Variants in UBR4 observed in about 807,000 individuals in gnomAD.
UBR4 encodes E3 ubiquitin-protein ligase UBR4.
In UBR4, 124 loss-of-function variants were observed where a neutral mutation model predicts 575.6. The observed-to-expected ratio is 0.22, with a 90% CI of 0.19 to 0.25. The LOEUF (loss-of-function observed/expected upper bound fraction) is 0.25. Among genes scored for constraint, UBR4 ranks in the 10% least tolerant of loss-of-function variants. The pLI, the probability that UBR4 is intolerant of heterozygous loss-of-function variation, is 1.00. For missense variants in UBR4, 4,818 were observed against 6,478.8 expected, an observed-to-expected ratio of 0.74 and a Z score of 8.80; for synonymous variants, 2,455 against 2,473.7, an observed-to-expected ratio of 0.99 and a Z score of 0.22.
Position 19,151,769 on chromosome 1 carries a change from G to A in UBR4, c.7087C>T (p.Arg2363Trp), listed in dbSNP as rs758478137. 4 of 1,614,156 alleles carry A rather than the reference G, an allele frequency of 2.5e-6. No homozygotes were observed. Among genetic ancestry groups the A allele is most frequent in the African/African-American group, 1.3e-5 (1 of 75,036 alleles). The change falls in exon 48 of 106, where the codon CGG becomes TGG. Residue 2363 changes from arginine (R) to tryptophan (W), a missense_variant. Arg to Trp is a moderately radical substitution (Grantham distance 101, BLOSUM62 -3). Around this residue, in one of 29 missense-constraint regions of UBR4, gnomAD observed 461 missense variants for 606.9 expected, o/e 0.76. Transcript: ENST00000375254. ...AAGATCTCGATATATGACGGGGCCC[G>A]TTCTATTGCTTGAGTCCCAATCTGG... ...RIQIGTQAIE[R>W]APSYIEIFGR... is the part of the protein sequence containing the mutation.
intron 65 of UBR4, among the ~76,000 whole-genome samples, chr1:19,124,301 C>T (rs1417830853): frequency 3.3e-5 from 5 of 152,174 alleles, no homozygotes; most frequent in African/African-American, 1.2e-4. Context: ...TGCCCATTAT[C>T]AGCACGTGAG....
At chr1:19,203,499 C>CAA (rs774026182) in intron 1 of UBR4, among the ~76,000 whole-genome samples, 74 of 108,702 alleles carry the variant, frequency 6.8e-4, no homozygotes, top group African/African-American at 2.5e-3. Flanking sequence ...GACTCCAACT[C>CAA]AAAAAAAAAA....
At position 19,095,055 on chromosome 1, in the gene UBR4, A is replaced by G. The variant is rs766661867; in HGVS notation, c.13627-30T>C. The G allele has an allele frequency of 4.3e-6, 7 of 1,614,096 alleles. No individual in the cohort carries two copies. The East Asian group carries it at 1.6e-4, about 36-fold the overall frequency. ...AGGAGAAGGAGACTCAGTCACTCTC[A>G]GAATAAGACCACAGCCACTAACTGC... On this transcript the variant is annotated intron_variant, in intron 93 of 105. Coordinates refer to ENST00000375254, the MANE Select transcript of UBR4 (RefSeq NM_020765.3).
intron 11 of UBR4, among the ~76,000 whole-genome samples, chr1:19,188,114 AATTT>A (rs1557969728): frequency 6.6e-6 from 1 of 151,900 alleles, no homozygotes; most frequent in African/African-American, 2.4e-5. Flanking sequence ...AAATTTTTGG[AATTT>A]AAACAATCAG....
intron 29 of UBR4, among the ~76,000 whole-genome samples, chr1:19,166,035 T>C (rs1379833813): frequency 6.6e-6 from 1 of 152,162 alleles, no homozygotes. Flanking sequence ...GATCTGCCAG[T>C]GATTTAGGGA....
intron 1 of UBR4, among the ~76,000 whole-genome samples, chr1:19,208,424 G>A (rs916928685): frequency 6.2e-5 from 8 of 128,026 alleles, no homozygotes; most frequent in South Asian, 2.5e-4. Flanking sequence ...CTGAGATGGC[G>A]CCACTGCATT....
rs200832235 is a variant in UBR4, at chr1:19,198,835, C to A, written c.472G>T (p.Ala158Ser). ...GTCTTCACTGTTTGGGGCAGCTTGG[C>A]GGATTTCATCATTGCTGTAAATGTG... The part of the protein sequence containing the change: ...IITFTAMMKS[A>S]KLPQTVKTLS... Residue 158 changes from alanine to serine, a missense_variant, in exon 4 of 106, where the codon GCC (alanine) becomes TCC (serine). Ala to Ser is a moderately conservative substitution (Grantham distance 99, BLOSUM62 1). Coordinates refer to ENST00000375254, the MANE Select transcript of UBR4 (RefSeq NM_020765.3). 2.5e-6 allele frequency: 4 copies of A among 1,614,154 alleles called. No individual in the cohort carries two copies. Among genetic ancestry groups the A allele is most frequent in the South Asian group, 2.2e-5 (2 of 91,086 alleles).
At chr1:19,164,552 C>T in intron 32 of UBR4, 111 bp from the exon 33 acceptor site, 1 of 1,258,964 alleles carries the variant, frequency 7.9e-7, no homozygotes, top group Non-Finnish European at 1.1e-6. Flanking sequence ...ATACCAATCC[C>T]AGCTTTGGAC....
At chr1:19,188,591 GTGTT>G (rs2091783361) in intron 11 of UBR4, among the ~76,000 whole-genome samples, 1 of 152,176 alleles carries the variant, frequency 6.6e-6, no homozygotes, top group African/African-American at 2.4e-5. Context: ...TTCAAGTAAA[GTGTT>G]TTCCTCCTGT....
chr1:19,140,950 GC>G, intron 57 of UBR4, 58 bp from the exon 58 acceptor site: 1 of 1,523,864 alleles, frequency 6.6e-7, no homozygotes. Flanking sequence ...CCACAGCGCT[GC>G]TTTGGCCACC....
chr1:19,167,099 A>C lies in UBR4; in HGVS notation c.4032T>G (p.Asp1344Glu). 1 of 1,614,240 alleles carries C rather than the reference A, an allele frequency of 6.2e-7. No homozygotes were observed. The highest frequency in any genetic ancestry group is 8.5e-7 in the Non-Finnish European group (1 of 1,180,040). Residue 1344 changes from aspartate (D) to glutamate (E), a missense_variant, in exon 29 of 106, where the codon GAT (aspartate) becomes GAG (glutamate). Physicochemically the swap from Asp to Glu is conservative, Grantham distance 45 (BLOSUM62 2). Around this residue, in one of 29 missense-constraint regions of UBR4, gnomAD observed 1,172 missense variants for 1,259.7 expected, o/e 0.93. Coordinates refer to ENST00000375254, the MANE Select transcript of UBR4 (RefSeq NM_020765.3). ...LERILGPAES[D>E]EFLARVYEKL... ...TCTCATAAACACGAGCCAAGAACTC[A>C]TCAGACTCAGCAGGGCCCAAGATGC... is the stretch of plus-strand genomic sequence containing the variant.
chr1:19,192,641 C>G, intron 9 of UBR4, 101 bp from the exon 10 acceptor site: 1 of 1,237,068 alleles, frequency 8.1e-7, no homozygotes, highest in Non-Finnish European at 1.2e-6. Context: ...AGTTCAATAT[C>G]CTCTTTTCAA....
chr1:19,156,706 G>C, intron 41 of UBR4, 61 bp downstream of exon 41: 11 of 1,565,656 alleles, frequency 7.0e-6, no homozygotes, highest in Non-Finnish European at 8.7e-6. Flanking sequence ...CTGAGAACAG[G>C]GGAGAGAAAA....
rs1255752184 is a variant in UBR4 at position 19,093,030 on chromosome 1, C to T, written c.14112-112G>A. On this transcript the variant is annotated intron_variant, in intron 96 of 105. Transcript: ENST00000375254. The surrounding 1 kb of genome is among the most constrained non-coding windows in gnomAD (Gnocchi z 4.8). ...CCAGGGCATGATTAACCGTGACCCT[C>T]TCCGAGTGTCATAAAGAATCACATA... 1 of 989,680 alleles carries T rather than the reference C, an allele frequency of 1.0e-6. No homozygotes were observed. The highest frequency in any genetic ancestry group is 1.5e-6 in the Non-Finnish European group (1 of 660,042). The allele number at this position is 989,680 out of a possible 1,614,324, so 61.3% of individuals were successfully genotyped here.
At chr1:19,115,150 G>A (rs2080344898) in intron 74 of UBR4, among the ~76,000 whole-genome samples, 1 of 151,580 alleles carries the variant, frequency 6.6e-6, no homozygotes, top group African/African-American at 2.4e-5. Flanking sequence ...ACCTCCCTCC[G>A]CCCTTACCCT....
Position 19,093,837 on chromosome 1 carries a change from C to T in UBR4, c.13937+112G>A, listed in dbSNP as rs1413824605. The T allele has an allele frequency of 2.2e-5, 28 of 1,262,750 alleles. No individual in the cohort carries two copies. Among genetic ancestry groups the T allele is most frequent in the Middle Eastern group, 2.3e-4 (1 of 4,296 alleles). 78.2% of individuals were successfully genotyped at this position (1,262,750 alleles called of 1,614,324 possible). A position where few individuals can be genotyped will look rare whatever the true frequency, so the allele number is the denominator to read the frequency against. ...AGACTGAGCTCCTTAAAAGCCAGAA[C>T]GAGGACACAAAAATCTAATAGGTAT... On this transcript the variant is annotated intron_variant, in intron 95 of 105. Coordinates refer to ENST00000375254, the MANE Select transcript of UBR4 (RefSeq NM_020765.3). The surrounding 1 kb of genome is among the most constrained non-coding windows in gnomAD (Gnocchi z 4.8).
chr1:19,081,234 T>C (rs1342642924), intron 103 of UBR4, 115 bp downstream of exon 103: 1 of 902,904 alleles, frequency 1.1e-6, no homozygotes, highest in East Asian at 2.4e-5. Flanking sequence ...AGGGCTGGTG[T>C]CAACCACCGC....
chr1:19,128,927 A>G (rs781706180), intron 61 of UBR4, 51 bp downstream of exon 61: 1 of 1,539,940 alleles, frequency 6.5e-7, no homozygotes, highest in Non-Finnish European at 9.0e-7. Context: ...GGGCATGCTT[A>G]AGGACGGTCC....
At chr1:19,176,536 A>T in intron 20 of UBR4, 56 bp downstream of exon 20, 9 of 1,589,716 alleles carry the variant, frequency 5.7e-6, no homozygotes, top group Non-Finnish European at 7.7e-6. Flanking sequence ...CTTCAAATTC[A>T]ACCCCACCAA....
Sources: gnomAD v4.1 joint callset for allele counts (sites outside exome capture counted in the v4.1 genomes callset) on GRCh38, gnomAD v4.1.1 for gene constraint, gnomAD v4.1.1 regional missense constraint, Gnocchi (gnomAD v3.1) non-coding constraint, MANE v1.5 for transcripts, NCBI Gene and HGNC (gene_info 2026-07-23, HGNC 2026-07-21) for gene names.